The following DYRK1A variants were observed in gnomAD, a reference collection of about 807,000 sequenced individuals.
The protein encoded by DYRK1A is dual specificity tyrosine-phosphorylation-regulated kinase 1A.
In DYRK1A, 9 loss-of-function variants were observed where a neutral mutation model predicts 79.7. The observed-to-expected ratio is 0.11, with a 90% CI of 0.07 to 0.20. The LOEUF is 0.20. Ranked by LOEUF, DYRK1A falls within the 10% of genes least tolerant of loss-of-function variation. The pLI, the probability that DYRK1A is intolerant of heterozygous loss-of-function variation, is 1.00. For synonymous variants in DYRK1A, 349 were observed against 329.7 expected (o/e 1.06, Z -0.63); for missense variants, 622 against 956.0 (o/e 0.65, Z 4.61).
chr21:37,500,530 A>G (rs1051990686), intron 9 of DYRK1A, among the ~76,000 whole-genome samples: 2 of 152,184 alleles, frequency 1.3e-5, no homozygotes, highest in African/African-American at 4.8e-5. Context: ...AAATTTGTAT[A>G]TGATTGGTTG....
At chr21:37,495,162 G>GTGTGTGTA (rs1456737497) in intron 8 of DYRK1A, among the ~76,000 whole-genome samples, 28 of 70,050 alleles carry the variant, frequency 4.0e-4, no homozygotes, top group African/African-American at 1.3e-3. Flanking sequence ...TTGTGTGTGT[G>GTGTGTGTA]TGTGTGTGTG....
chr21:37,484,595 T>C (rs1179058882), intron 5 of DYRK1A, among the ~76,000 whole-genome samples: 2 of 152,162 alleles, frequency 1.3e-5, no homozygotes, highest in Non-Finnish European at 2.9e-5. Context: ...TCCCAAATCA[T>C]GCTGGGATTA....
chr21:37,509,486 G>A (rs573196710), intron 11 of DYRK1A, among the ~76,000 whole-genome samples: 9 of 152,140 alleles, frequency 5.9e-5, no homozygotes, highest in East Asian at 1.9e-4. Flanking sequence ...TTGCTCTTTA[G>A]CCCAGGCTGG....
chr21:37,502,433 G>A (rs1283959554), intron 9 of DYRK1A: 1 of 151,908 alleles, frequency 6.6e-6, no homozygotes, highest in African/African-American at 2.4e-5. Flanking sequence ...TATGTGTCAT[G>A]TTTAGTGTTC....
chr21:37,446,850 C>T (rs1257542214), intron 2 of DYRK1A, among the ~76,000 whole-genome samples: 2 of 152,170 alleles, frequency 1.3e-5, no homozygotes, highest in Non-Finnish European at 1.5e-5. Context: ...CACCTTGTGG[C>T]GGTGGAAGCA....
Position 37,512,677 on chromosome 21 carries a change from T to G in DYRK1A, c.*146T>G, listed in dbSNP as rs751902426. 3.4e-6 allele frequency: 3 copies of G among 893,756 alleles called. No homozygotes were observed. The highest frequency in any genetic ancestry group is 5.0e-6 in the Non-Finnish European group (3 of 601,152). The allele number at this position is 893,756 out of a possible 1,614,324, so 55.4% of individuals were successfully genotyped here. A position where few individuals can be genotyped will look rare whatever the true frequency, so the allele number is the denominator to read the frequency against. ...GGGCAAAGCTGATTTTTTTTTTAAC[T>G]TGAAAAGATTGCAAAGGGACATTGA... is the stretch of plus-strand genomic sequence containing the variant. On this transcript the variant is annotated 3_prime_UTR_variant, in exon 12 of 12. Coordinates refer to ENST00000647188, the MANE Select transcript of DYRK1A (RefSeq NM_001347721.2).
intron 3 of DYRK1A, among the ~76,000 whole-genome samples, chr21:37,477,192 C>T (rs9984646): frequency 0.042 from 6,406 of 152,218 alleles, 177 homozygotes; most frequent in Middle Eastern, 0.092. Flanking sequence ...TCTGCCCCTC[C>T]GATTGACCCG....
intron 1 of DYRK1A, among the ~76,000 whole-genome samples, chr21:37,372,450 A>G (rs1341587993): frequency 3.1e-5 from 3 of 95,962 alleles, no homozygotes; most frequent in African/African-American, 1.2e-4. Context: ...CACTGTCTCA[A>G]AAAAAAAAAA....
At chr21:37,506,770 TTAAA>T (rs2053610419) in intron 11 of DYRK1A, among the ~76,000 whole-genome samples, 1 of 152,222 alleles carries the variant, frequency 6.6e-6, no homozygotes, top group South Asian at 2.1e-4. Context: ...GTAAAAATAT[TTAAA>T]TAATCTAATA....
intron 2 of DYRK1A, among the ~76,000 whole-genome samples, chr21:37,420,981 C>G (rs1201969412): frequency 6.6e-6 from 1 of 151,988 alleles, no homozygotes; most frequent in Non-Finnish European, 1.5e-5. Flanking sequence ...TTTGATTGCT[C>G]TATAATTAAT....
intron 3 of DYRK1A, among the ~76,000 whole-genome samples, chr21:37,476,281 C>G (rs575804492): frequency 1.1e-4 from 17 of 152,290 alleles, no homozygotes; most frequent in African/African-American, 3.9e-4. Flanking sequence ...ATTTATCTCC[C>G]TTGAGATTGT....
intron 2 of DYRK1A, among the ~76,000 whole-genome samples, chr21:37,455,832 T>C (rs1341342857): frequency 1.3e-5 from 2 of 152,222 alleles, no homozygotes; most frequent in African/African-American, 4.8e-5. Flanking sequence ...CCTTGAGGTT[T>C]AAGTACTGTT....
At chr21:37,498,710 C>T (rs1331949423) in intron 9 of DYRK1A, among the ~76,000 whole-genome samples, 1 of 152,056 alleles carries the variant, frequency 6.6e-6, no homozygotes, top group Non-Finnish European at 1.5e-5. Flanking sequence ...GTAGAATTGC[C>T]AGGTCATGGG....
Position 37,523,609 on chromosome 21 carries a change from A to G in DYRK1A, c.*11078A>G, listed in dbSNP as rs1296598287. On this transcript the variant is annotated 3_prime_UTR_variant, in exon 12 of 12. Transcript: ENST00000647188. ...ACAGGAGAGCTCTGGAAGAGCAGGG[A>G]CGACTTTGGCTTCTGTTTCCTGCCC... The G allele has an allele frequency of 6.6e-6, 1 of 152,164 alleles. No individual in the cohort carries two copies. Among genetic ancestry groups the G allele is most frequent in the Non-Finnish European group, 1.5e-5 (1 of 68,034 alleles). 9.4% of individuals were successfully genotyped at this position (152,164 alleles called of 1,614,324 possible).
intron 2 of DYRK1A, among the ~76,000 whole-genome samples, chr21:37,467,136 G>A (rs1313821498): frequency 7.3e-5 from 11 of 150,820 alleles, no homozygotes; most frequent in East Asian, 1.9e-4. Context: ...ACAAAAAAAC[G>A]GAAACTATCC....
At chr21:37,382,729 CTGAA>C (rs2148372611) in intron 1 of DYRK1A, among the ~76,000 whole-genome samples, 1 of 152,218 alleles carries the variant, frequency 6.6e-6, no homozygotes, top group Non-Finnish European at 1.5e-5. Context: ...CACTGGCCTA[CTGAA>C]TGAATAACTA....
At chr21:37,435,560 C>T (rs1327481338) in intron 2 of DYRK1A, among the ~76,000 whole-genome samples, 1 of 152,176 alleles carries the variant, frequency 6.6e-6, no homozygotes, top group East Asian at 1.9e-4. Context: ...ATCTTAAATA[C>T]TTCATAACAC....
upstream of DYRK1A, chr21:37,365,738 A>G (rs1248390305): frequency 6.6e-6 from 1 of 152,342 alleles, no homozygotes; most frequent in African/African-American, 2.4e-5. Context: ...TGTATAGAAA[A>G]GAAAACCAGA....
chr21:37,496,634 T>C (rs1244590546), intron 9 of DYRK1A, among the ~76,000 whole-genome samples: 1 of 152,120 alleles, frequency 6.6e-6, no homozygotes, highest in African/African-American at 2.4e-5. Flanking sequence ...GAAGTCACAA[T>C]TGGAGTAAAT....
Sources: gnomAD v4.1 joint callset for allele counts (sites outside exome capture counted in the v4.1 genomes callset) on GRCh38, gnomAD v4.1.1 for gene constraint, MANE v1.5 for transcripts, NCBI Gene and HGNC (gene_info 2026-07-23, HGNC 2026-07-21) for gene names.